Variants in APOOL observed in about 807,000 individuals in gnomAD.
APOOL encodes the protein apolipoprotein O like.
In APOOL, 12 loss-of-function variants were observed where a neutral mutation model predicts 23.1. That is an observed-to-expected ratio of 0.52 (90% CI 0.33 to 0.84). APOOL has a LOEUF of 0.84. Ranked by LOEUF, APOOL falls within the 40% of genes least tolerant of loss-of-function variation. The probability of loss-of-function intolerance (pLI) is 0.02; values close to 1 mark genes in which losing one functional copy is unlikely to be tolerated. For synonymous variants in APOOL, 77 were observed against 69.9 expected, an observed-to-expected ratio of 1.10 and a Z score of -0.51; for missense variants, 212 against 199.6, an observed-to-expected ratio of 1.06 and a Z score of -0.37.
intron 4 of APOOL, among the ~76,000 whole-genome samples, chrX:85,055,361 G>C (rs1922923352): frequency 9.0e-6 from 1 of 111,673 alleles, no homozygotes; most frequent in Non-Finnish European, 1.9e-5. Flanking sequence ...TTATTAGGGA[G>C]TAGTGGCAAG....
intron 8 of APOOL, among the ~76,000 whole-genome samples, chrX:85,079,531 G>A (rs1163912776): frequency 1.8e-5 from 2 of 110,933 alleles, no homozygotes; most frequent in African/African-American, 3.3e-5. Flanking sequence ...TGTTCATCAG[G>A]AATATTGGTC....
At chrX:85,072,960 A>G (rs1458790032) in intron 6 of APOOL, among the ~76,000 whole-genome samples, 1 of 111,927 alleles carries the variant, frequency 8.9e-6, no homozygotes, top group East Asian at 2.8e-4. Flanking sequence ...CAGTACATAT[A>G]GATCTACTTC....
intron 1 of APOOL, among the ~76,000 whole-genome samples, chrX:85,011,956 T>G (rs1921303279): frequency 8.9e-6 from 1 of 112,001 alleles, no homozygotes; most frequent in Non-Finnish European, 1.9e-5. Flanking sequence ...TTCACAATAT[T>G]GATTGTACCC....
intron 1 of APOOL, among the ~76,000 whole-genome samples, chrX:85,042,440 A>C (rs1389104724): frequency 8.9e-6 from 1 of 112,028 alleles, no homozygotes; most frequent in East Asian, 2.8e-4. Flanking sequence ...GATAACAATG[A>C]GATGGAAGAT....
chrX:85,026,988 A>G (rs1474383303), intron 1 of APOOL, among the ~76,000 whole-genome samples: 2 of 111,783 alleles, frequency 1.8e-5, no homozygotes, highest in Non-Finnish European at 3.8e-5. Flanking sequence ...CCTGATACCA[A>G]TTTTCTGTGT....
intron 1 of APOOL, among the ~76,000 whole-genome samples, chrX:85,009,701 C>T (rs1419801808): frequency 9.1e-6 from 1 of 110,272 alleles, no homozygotes; most frequent in Non-Finnish European, 1.9e-5. Flanking sequence ...CAGGTAAACT[C>T]GTATCATGGG....
In APOOL at chrX:85,088,095, T is replaced by TTAATACATATATGTATAAATAC. The variant is rs1569462329; in HGVS notation, c.*417_*418insTAATACATATATGTATAAATAC. The TTAATACATATATGTATAAATAC allele has an allele frequency of 0.099, 270 of 2,738 alleles. 6 individuals carry two copies. The highest frequency in any genetic ancestry group is 0.24 in the Non-Finnish European group (227 of 941). The allele number at this position is 2,738 out of a possible 1,213,427, so 0.2% of individuals were successfully genotyped here. A position where few individuals can be genotyped will look rare whatever the true frequency, so the allele number is the denominator to read the frequency against. ...ACATATACATATATGTATAAATACATATACATATTTATACATATATGTATA... is the reference window on the plus strand; with the variant it reads ...ACATATACATATATGTATAAATACATTAATACATATATGTATAAATACATACATATTTATACATATATGTATA... On this transcript the variant is annotated 3_prime_UTR_variant, in exon 9 of 9. Transcript: ENST00000373173.
chrX:85,083,242 C>G lies in APOOL; in HGVS notation c.719-4348C>G, dbSNP rs1158875838. Among the ~76,000 whole-genome samples the G allele has an allele frequency of 2.7e-5, 3 of 110,664 alleles. No homozygotes were observed. In the East Asian group the frequency reaches 8.5e-4, roughly 31 times the overall value. The stretch of plus-strand genomic sequence containing the variant: ...AAGGCAGGAAGATGTGACTGACAGT[C>G]AAAAGAAAAAATACATAAATATAAC... On this transcript the variant is annotated intron_variant, in intron 8 of 8. Transcript: ENST00000373173.
rs766497759 is a variant in APOOL at position 85,088,316 on chromosome X, G to GTTTTTTTTTTTTTTTTT, written c.*651_*667dup. 3.6e-4 allele frequency: 8 copies of GTTTTTTTTTTTTTTTTT among 22,528 alleles called. 2 individuals are homozygous for GTTTTTTTTTTTTTTTTT. The highest frequency in any genetic ancestry group is 5.5e-4 in the Non-Finnish European group (7 of 12,652). The allele number at this position is 22,528 out of a possible 1,213,427, so 1.9% of individuals were successfully genotyped here. ...TGTATGGAAAGGTGTGTTTCCCTCT[G>GTTTTTTTTTTTTTTTTT]TTTTTTTTTTTTTTTTTTTTTTTTT... On this transcript the variant is annotated 3_prime_UTR_variant, in exon 9 of 9. Coordinates refer to ENST00000373173, the MANE Select transcript of APOOL (RefSeq NM_198450.6).
chrX:85,056,008 T>G, intron 5 of APOOL, 83 bp downstream of exon 5: 1 of 663,588 alleles, frequency 1.5e-6, no homozygotes, highest in Non-Finnish European at 2.2e-6. Context: ...CCTCATATGC[T>G]TTATTGAATA....
rs1602775862 is a variant in APOOL at position 85,059,494 on chromosome X, A to G, written c.394+3569A>G. Among the ~76,000 whole-genome samples the G allele has an allele frequency of 3.6e-5, 4 of 109,992 alleles. No individual in the cohort carries two copies. The Admixed American group carries it at 3.9e-4, about 11-fold the overall frequency. On this transcript the variant is annotated intron_variant, in intron 5 of 8. Coordinates refer to ENST00000373173, the MANE Select transcript of APOOL (RefSeq NM_198450.6). Reference sequence around the variant, plus strand: ...GTTGAACTAGTTTACAGTCCCACCAACAGTGTAAAAGTGTTCCTATTTCTC... The same window carrying G: ...GTTGAACTAGTTTACAGTCCCACCAGCAGTGTAAAAGTGTTCCTATTTCTC...
chrX:85,007,939 A>C (rs914762345), intron 1 of APOOL, among the ~76,000 whole-genome samples: 1 of 111,650 alleles, frequency 9.0e-6, no homozygotes, highest in South Asian at 3.8e-4. Flanking sequence ...ACCTGTAAGA[A>C]CTGAAATAGA....
chrX:85,035,058 C>G (rs12557879), intron 1 of APOOL, among the ~76,000 whole-genome samples: 4,033 of 111,767 alleles, frequency 0.036, 179 homozygotes, highest in African/African-American at 0.12. Flanking sequence ...AGTGGCTGAA[C>G]TAATCTGTAT....
chrX:85,005,721 GATATAACAC>G (rs1193599536), intron 1 of APOOL, among the ~76,000 whole-genome samples: 1 of 111,452 alleles, frequency 9.0e-6, no homozygotes, highest in African/African-American at 3.3e-5. Context: ...AAGTGGTGGA[GATATAACAC>G]ATATAACACA....
chrX:85,008,571 G>GTGTGTGTGTGTGTGTGTGTA (rs1415055003), intron 1 of APOOL, among the ~76,000 whole-genome samples: 1 of 109,130 alleles, frequency 9.2e-6, no homozygotes, highest in Non-Finnish European at 1.9e-5. Flanking sequence ...GTGTGTGTGT[G>GTGTGTGTGTGTGTGTGTGTA]TGTATACCAC....
At chrX:85,004,965 C>T (rs1192312447) in intron 1 of APOOL, among the ~76,000 whole-genome samples, 1 of 110,160 alleles carries the variant, frequency 9.1e-6, no homozygotes, top group Non-Finnish European at 1.9e-5. Context: ...TGCTTGACCC[C>T]GCCATGCTTT....
At chrX:85,041,867 T>G (rs182848243) in intron 1 of APOOL, among the ~76,000 whole-genome samples, 1 of 110,606 alleles carries the variant, frequency 9.0e-6, no homozygotes, top group Non-Finnish European at 1.9e-5. Flanking sequence ...TGGGCAGCTG[T>G]CCTGTCTTGC....
chrX:85,060,989 C>T (rs1923195088), intron 5 of APOOL, among the ~76,000 whole-genome samples: 1 of 111,393 alleles, frequency 9.0e-6, no homozygotes, highest in Non-Finnish European at 1.9e-5. Context: ...CCAGTTTTTG[C>T]CCATTCAGTA....
intron 1 of APOOL, among the ~76,000 whole-genome samples, chrX:85,027,371 T>G (rs1921880240): frequency 9.0e-6 from 1 of 111,262 alleles, no homozygotes; most frequent in Admixed American, 9.6e-5. Flanking sequence ...ATATTCAACA[T>G]GTGATTTGGG....
Sources: gnomAD v4.1 joint callset for allele counts (sites outside exome capture counted in the v4.1 genomes callset) on GRCh38, gnomAD v4.1.1 for gene constraint, MANE v1.5 for transcripts, NCBI Gene and HGNC (gene_info 2026-07-23, HGNC 2026-07-21) for gene names.